ENAH: variants seen among roughly 807,000 people sequenced by gnomAD.
The protein encoded by ENAH is ENAH actin regulator.
Under a neutral mutation model 78.7 loss-of-function variants are expected in ENAH, and 23 were observed. The ratio of observed to expected loss-of-function variants is 0.29; its 90% CI spans 0.21 to 0.41. The LOEUF (loss-of-function observed/expected upper bound fraction) is 0.41, where lower values mean the gene tolerates loss of function less well. ENAH is among the 10% of genes least tolerant of loss of function. The probability of loss-of-function intolerance (pLI) is 1.00; values close to 1 mark genes in which losing one functional copy is unlikely to be tolerated. For synonymous variants in ENAH, 226 were observed against 241.0 expected, an observed-to-expected ratio of 0.94 and a Z score of 0.58; for missense variants, 544 against 691.0, an observed-to-expected ratio of 0.79 and a Z score of 2.39.
intron 4 of ENAH, among the ~76,000 whole-genome samples, chr1:225,526,023 C>T (rs781739488): frequency 1.2e-4 from 18 of 152,030 alleles, no homozygotes; most frequent in Non-Finnish European, 2.1e-4. Flanking sequence ...TTGTCTATGG[C>T]GAGCTACAAA....
At chr1:225,627,886 ACT>A (rs1461599117) in intron 1 of ENAH, among the ~76,000 whole-genome samples, 1 of 150,968 alleles carries the variant, frequency 6.6e-6, no homozygotes. Context: ...TGAAACATAC[ACT>A]GTTTTGTCCC....
intron 1 of ENAH, among the ~76,000 whole-genome samples, chr1:225,591,464 G>A (rs371354509): frequency 1.5e-5 from 2 of 132,112 alleles, no homozygotes; most frequent in East Asian, 2.3e-4. Flanking sequence ...GCGAAACTAC[G>A]TTTAAAAAAA....
chr1:225,652,100 G>A (rs1663127022), intron 1 of ENAH, among the ~76,000 whole-genome samples: 1 of 149,856 alleles, frequency 6.7e-6, no homozygotes, highest in Non-Finnish European at 1.5e-5. Flanking sequence ...ACTTATCCCA[G>A]TCTTTTACTG....
intron 1 of ENAH, among the ~76,000 whole-genome samples, chr1:225,646,453 G>C (rs571508575): frequency 2.0e-5 from 3 of 152,164 alleles, no homozygotes. Context: ...TGCAAGCCAG[G>C]AAGAGAACCC....
chr1:225,608,220 GAAAAA>G (rs60998592), intron 1 of ENAH, among the ~76,000 whole-genome samples: 3 of 91,298 alleles, frequency 3.3e-5, no homozygotes, highest in African/African-American at 8.6e-5. Context: ...ATAAAAAACA[GAAAAA>G]AAAAAAAAAA....
chr1:225,523,192 C>G (rs1245227064), intron 4 of ENAH, among the ~76,000 whole-genome samples: 1 of 151,854 alleles, frequency 6.6e-6, no homozygotes, highest in Non-Finnish European at 1.5e-5. Flanking sequence ...TATTCTATGA[C>G]TACATTTCAT....
intron 1 of ENAH, among the ~76,000 whole-genome samples, chr1:225,651,742 A>T (rs1470025579): frequency 6.6e-6 from 1 of 152,192 alleles, no homozygotes; most frequent in Non-Finnish European, 1.5e-5. Context: ...TCTTGCACCA[A>T]TCCGAAAAGA....
chr1:225,511,220 T>C (rs904445321), intron 10 of ENAH, among the ~76,000 whole-genome samples: 5 of 152,194 alleles, frequency 3.3e-5, no homozygotes, highest in African/African-American at 4.8e-5. Context: ...CCTTAGTCTT[T>C]AATCAAATAT....
intron 5 of ENAH, chr1:225,517,809 CAGT>C: frequency 3.4e-5 from 53 of 1,551,312 alleles, no homozygotes; most frequent in Non-Finnish European, 4.6e-5. Context: ...CTGAGTGTCG[CAGT>C]GGTGGTGTAG....
In ENAH at chr1:225,491,598, T is replaced by C. The variant is rs1306874476; in HGVS notation, c.*6177A>G. 1 of 152,194 alleles carries C rather than the reference T, an allele frequency of 6.6e-6. No homozygotes were observed. Among genetic ancestry groups the C allele is most frequent in the Non-Finnish European group, 1.5e-5 (1 of 68,036 alleles). The allele number at this position is 152,194 out of a possible 1,614,324, so 9.4% of individuals were successfully genotyped here. On this transcript the variant is annotated 3_prime_UTR_variant, in exon 14 of 14. Transcript: ENST00000366843. The stretch of plus-strand genomic sequence containing the variant: ...AAAGCGTTCTGTAATGTATCTCTCT[T>C]ATATGGTTGCAACAATGTGTATTTT...
chr1:225,542,514 T>C (rs1242922122), intron 3 of ENAH, among the ~76,000 whole-genome samples: 1 of 152,154 alleles, frequency 6.6e-6, no homozygotes, highest in Non-Finnish European at 1.5e-5. Context: ...GCCTTCTCTA[T>C]CTCTCTGCGT....
chr1:225,600,754 G>T (rs140750238), intron 1 of ENAH, among the ~76,000 whole-genome samples: 144 of 152,152 alleles, frequency 9.5e-4, no homozygotes, highest in Non-Finnish European at 1.1e-3. Flanking sequence ...GCTACTGGGG[G>T]AAATGAGGTG....
At chr1:225,526,966 T>A (rs1466384799) in intron 4 of ENAH, among the ~76,000 whole-genome samples, 1 of 152,186 alleles carries the variant, frequency 6.6e-6, no homozygotes, top group Non-Finnish European at 1.5e-5. Flanking sequence ...TGAGCTTCAC[T>A]GGCAAGGACG....
At chr1:225,597,721 T>C (rs2147963587) in intron 1 of ENAH, among the ~76,000 whole-genome samples, 3 of 149,278 alleles carry the variant, frequency 2.0e-5, no homozygotes, top group South Asian at 2.1e-4. Context: ...GCCATGTGAA[T>C]TGAATCCTGG....
At chr1:225,610,989 T>C (rs1336380738) in intron 1 of ENAH, among the ~76,000 whole-genome samples, 1 of 152,198 alleles carries the variant, frequency 6.6e-6, no homozygotes, top group Non-Finnish European at 1.5e-5. Flanking sequence ...AGATACAGAA[T>C]ATGTTCTATG....
chr1:225,498,407 A>G lies in ENAH; in HGVS notation c.1618-3T>C. On this transcript the variant is annotated splice_polypyrimidine_tract_variant and splice_region_variant and intron_variant, in intron 12 of 13. Coordinates refer to ENST00000366843, the MANE Select transcript of ENAH (RefSeq NM_018212.6). ...TTTCTCATTTCATCTAAAATGTCCT[A>G]AAATATTAGAGAAAAATACCAGAAA... 6.5e-7 allele frequency: 1 copy of G among 1,541,460 alleles called. No individual in the cohort carries two copies. The highest frequency in any genetic ancestry group is 8.9e-7 in the Non-Finnish European group (1 of 1,120,998).
intron 9 of ENAH, 77 bp downstream of exon 9, chr1:225,512,580 T>C: frequency 1.4e-6 from 2 of 1,406,016 alleles, no homozygotes; most frequent in Non-Finnish European, 1.9e-6. Context: ...ATTAAATAAA[T>C]GCTGACACTA....
chr1:225,552,962 G>A (rs148718333), intron 3 of ENAH, among the ~76,000 whole-genome samples: 318 of 152,242 alleles, frequency 2.1e-3, no homozygotes, highest in African/African-American at 7.1e-3. Flanking sequence ...GGCTGTGCAC[G>A]GTGGCTCATG....
chr1:225,643,180 C>T (rs1345497671), intron 1 of ENAH, among the ~76,000 whole-genome samples: 2 of 152,152 alleles, frequency 1.3e-5, no homozygotes, highest in African/African-American at 4.8e-5. Flanking sequence ...CCGCTGAAGG[C>T]TTTACATGGG....
Sources: allele counts gnomAD v4.1 joint callset (sites outside exome capture counted in the v4.1 genomes callset), GRCh38; gene constraint gnomAD v4.1.1; transcripts MANE v1.5; gene names NCBI Gene and HGNC (gene_info 2026-07-23, HGNC 2026-07-21).